Variants in DOCK2 observed in about 807,000 individuals in gnomAD.
The protein encoded by DOCK2 is dedicator of cytokinesis 2.
A neutral mutation model predicts 248.9 loss-of-function variants in DOCK2; 87 were observed. The ratio of observed to expected loss-of-function variants is 0.35; its 90% CI spans 0.29 to 0.42. DOCK2 has a LOEUF of 0.42. DOCK2 is among the 10% of genes least tolerant of loss of function. DOCK2 has a pLI of 1.00. For missense variants in DOCK2, 1,747 were observed against 2,300.2 expected (o/e 0.76, Z 4.92); for synonymous variants, 805 against 821.6 (o/e 0.98, Z 0.35).
chr5:169,871,217 C>A (rs187436861), intron 27 of DOCK2, among the ~76,000 whole-genome samples: 2 of 152,134 alleles, frequency 1.3e-5, no homozygotes, highest in African/African-American at 4.8e-5. Context: ...AGTCTATTCA[C>A]CTAGTTTCCT....
intron 27 of DOCK2, among the ~76,000 whole-genome samples, chr5:169,890,510 T>C (rs1343725310): frequency 2.0e-5 from 3 of 152,164 alleles, no homozygotes; most frequent in Admixed American, 2.0e-4. Context: ...GGAAAGCTAA[T>C]TTTCCAAATT....
chr5:169,784,064 T>C (rs1468191052), intron 25 of DOCK2, among the ~76,000 whole-genome samples: 1 of 152,188 alleles, frequency 6.6e-6, no homozygotes, highest in Non-Finnish European at 1.5e-5. Context: ...TCCAGGGATG[T>C]GCAGGTATAT....
Position 170,056,787 on chromosome 5 carries a change from C to T in DOCK2, c.4380+19C>T, listed in dbSNP as rs185591007. 1.2e-6 allele frequency: 2 copies of T among 1,610,024 alleles called. No individual in the cohort carries two copies. The highest frequency in any genetic ancestry group is 1.7e-6 in the Non-Finnish European group (2 of 1,177,142). On this transcript the variant is annotated intron_variant, in intron 43 of 51. Coordinates refer to ENST00000520908, the MANE Select transcript of DOCK2 (RefSeq NM_004946.3). Reference sequence around the variant, plus strand: ...GTTTGCTGTGAGTATCTTCCCTACCCTTGATCATTCCCTGGAGCCACCTGG... The same window carrying T: ...GTTTGCTGTGAGTATCTTCCCTACCTTTGATCATTCCCTGGAGCCACCTGG...
chr5:169,693,901 G>C (rs1239230251), intron 9 of DOCK2, among the ~76,000 whole-genome samples: 1 of 152,236 alleles, frequency 6.6e-6, no homozygotes, highest in East Asian at 1.9e-4. Flanking sequence ...CTGGTTGGAT[G>C]AGGCCCACGG....
At chr5:169,990,694 A>T (rs1482450490) in intron 29 of DOCK2, among the ~76,000 whole-genome samples, 1 of 152,276 alleles carries the variant, frequency 6.6e-6, no homozygotes, top group East Asian at 1.9e-4. Context: ...TCTCCCAGCC[A>T]ATGCTTTTAT....
rs77558445 is a variant in DOCK2, at chr5:169,979,369, C to T, written c.2800-3699C>T. Among the ~76,000 whole-genome samples, 456 of 152,268 alleles carry T rather than the reference C, an allele frequency of 3.0e-3. 2 individuals are homozygous for T. Among genetic ancestry groups the T allele is most frequent in the African/African-American group, 0.01 (434 of 41,548 alleles). On this transcript the variant is annotated intron_variant, in intron 27 of 51. Transcript: ENST00000520908. ...ATGGAAGTAAGGTCTCAAACTTGTA[C>T]AGAGGGGCAGGACACAAATGCCATT...
chr5:170,061,939 G>T (rs951494636), intron 44 of DOCK2, among the ~76,000 whole-genome samples: 3 of 152,162 alleles, frequency 2.0e-5, no homozygotes, highest in Non-Finnish European at 4.4e-5. Context: ...TAGACCGTGG[G>T]TTTCACCTTG....
At chr5:169,925,807 A>G (rs889585198) in intron 27 of DOCK2, among the ~76,000 whole-genome samples, 3 of 151,998 alleles carry the variant, frequency 2.0e-5, no homozygotes, top group African/African-American at 7.3e-5. Flanking sequence ...TCCTTCATAC[A>G]TATTATCTAT....
chr5:170,015,199 C>G (rs1755473491), intron 32 of DOCK2, among the ~76,000 whole-genome samples: 1 of 152,204 alleles, frequency 6.6e-6, no homozygotes, highest in South Asian at 2.1e-4. Context: ...ACTTCCTGAG[C>G]TTTTGCAATG....
chr5:170,071,712 G>T lies in DOCK2; in HGVS notation c.4728+2492G>T, dbSNP rs539891509. Among the ~76,000 whole-genome samples, 3 of 151,680 alleles carry T rather than the reference G, an allele frequency of 2.0e-5. No individual in the cohort carries two copies. In the South Asian group the frequency reaches 6.3e-4, roughly 32 times the overall value. On this transcript the variant is annotated intron_variant, in intron 46 of 51. Transcript: ENST00000520908. ...GCTAGCTCCCCTAATCCTATCTTAG[G>T]CCTCCTTCCCTAAGAGTGAGCACTG...
chr5:170,018,048 C>T (rs979750667), intron 32 of DOCK2, among the ~76,000 whole-genome samples: 1 of 152,188 alleles, frequency 6.6e-6, no homozygotes, highest in Non-Finnish European at 1.5e-5. Flanking sequence ...ATGAGGAGAA[C>T]AGACATGGTC....
chr5:169,916,657 T>G (rs1019006026), intron 27 of DOCK2, among the ~76,000 whole-genome samples: 1 of 141,586 alleles, frequency 7.1e-6, no homozygotes, highest in African/African-American at 2.7e-5. Context: ...GGTATTAGGT[T>G]AGGGATTGGT....
intron 26 of DOCK2, among the ~76,000 whole-genome samples, chr5:169,808,343 C>T (rs771429664): frequency 2.6e-5 from 4 of 152,136 alleles, no homozygotes; most frequent in Middle Eastern, 3.2e-3. Flanking sequence ...GGATGCTTGT[C>T]TTCAATAGAT....
At chr5:169,870,665 C>T (rs1771905169) in intron 27 of DOCK2, among the ~76,000 whole-genome samples, 2 of 151,704 alleles carry the variant, frequency 1.3e-5, no homozygotes. Context: ...AGGTTTGTTA[C>T]ACATGTAAAC....
intron 27 of DOCK2, among the ~76,000 whole-genome samples, chr5:169,901,532 G>T (rs1773924383): frequency 6.6e-6 from 1 of 152,070 alleles, no homozygotes; most frequent in Admixed American, 6.6e-5. Flanking sequence ...GGACTGGATG[G>T]GGCAAAAGTG....
chr5:169,844,952 T>C (rs1367562395), intron 27 of DOCK2, among the ~76,000 whole-genome samples: 1 of 152,038 alleles, frequency 6.6e-6, no homozygotes, highest in African/African-American at 2.4e-5. Context: ...TTTAGCAGTT[T>C]ATGAGAACCT....
At chr5:169,825,406 G>T (rs1197389135) in intron 26 of DOCK2, among the ~76,000 whole-genome samples, 2 of 151,774 alleles carry the variant, frequency 1.3e-5, no homozygotes, top group African/African-American at 4.9e-5. Flanking sequence ...TTAAGAAAAT[G>T]TGGCACATAT....
At chr5:169,749,182 G>T (rs1763771398) in intron 23 of DOCK2, among the ~76,000 whole-genome samples, 2 of 152,188 alleles carry the variant, frequency 1.3e-5, no homozygotes, top group Non-Finnish European at 2.9e-5. Context: ...ACACATAGGT[G>T]GAAAGCATCA....
intron 26 of DOCK2, among the ~76,000 whole-genome samples, chr5:169,837,120 T>C (rs538578489): frequency 1.3e-5 from 2 of 152,238 alleles, no homozygotes; most frequent in South Asian, 2.1e-4. Context: ...TGCATAAGAC[T>C]TCATTTGAAG....
Sources: gnomAD v4.1 joint callset for allele counts (sites outside exome capture counted in the v4.1 genomes callset) on GRCh38, gnomAD v4.1.1 for gene constraint, MANE v1.5 for transcripts, NCBI Gene and HGNC (gene_info 2026-07-23, HGNC 2026-07-21) for gene names.